SLC35F4: variants seen among roughly 807,000 people sequenced by gnomAD.
SLC35F4 encodes the protein solute carrier family 35 member F4.
SLC35F4 carries 24 observed loss-of-function variants against 44.2 expected under a neutral mutation model. The observed-to-expected ratio is 0.54, with a 90% CI of 0.39 to 0.76. The LOEUF (loss-of-function observed/expected upper bound fraction) is 0.76, where lower values mean the gene tolerates loss of function less well. Ranked by LOEUF, SLC35F4 falls within the 30% of genes least tolerant of loss-of-function variation. The pLI is 0.00. For synonymous variants in SLC35F4, 238 were observed against 223.6 expected (o/e 1.06, Z -0.57); for missense variants, 562 against 586.1 (o/e 0.96, Z 0.42).
At chr14:57,931,606 C>G (rs926050947) in intron 1 of SLC35F4, among the ~76,000 whole-genome samples, 8 of 152,080 alleles carry the variant, frequency 5.3e-5, no homozygotes, top group Non-Finnish European at 1.0e-4. Flanking sequence ...AAAAAACAAC[C>G]CACTGCATCA....
chr14:57,843,998 C>T (rs1042364418), intron 1 of SLC35F4, among the ~76,000 whole-genome samples: 14 of 152,076 alleles, frequency 9.2e-5, no homozygotes, highest in African/African-American at 2.9e-4. Flanking sequence ...ATATCAGCCT[C>T]GTGACCAATC....
At chr14:57,709,895 T>C (rs2075775149) in intron 1 of SLC35F4, among the ~76,000 whole-genome samples, 1 of 152,156 alleles carries the variant, frequency 6.6e-6, no homozygotes, top group Admixed American at 6.5e-5. Flanking sequence ...AAGCAGAACA[T>C]AAATGTTTGG....
At chr14:57,749,315 T>G (rs1452309706) in intron 1 of SLC35F4, among the ~76,000 whole-genome samples, 1 of 152,134 alleles carries the variant, frequency 6.6e-6, no homozygotes, top group African/African-American at 2.4e-5. Flanking sequence ...GACTGCAACT[T>G]AAGTATAAAA....
At chr14:57,801,198 T>C (rs1184972302) in intron 1 of SLC35F4, among the ~76,000 whole-genome samples, 4 of 152,086 alleles carry the variant, frequency 2.6e-5, no homozygotes, top group East Asian at 3.8e-4. Context: ...CCAGAAGAGA[T>C]TGGGGACCAA....
intron 1 of SLC35F4, among the ~76,000 whole-genome samples, chr14:57,805,129 G>C (rs1264050783): frequency 6.6e-6 from 1 of 152,110 alleles, no homozygotes; most frequent in East Asian, 1.9e-4. Context: ...AACAGATGCT[G>C]GTAAGGTTGT....
intron 1 of SLC35F4, among the ~76,000 whole-genome samples, chr14:57,620,344 G>T (rs564923668): frequency 6.6e-6 from 1 of 152,100 alleles, no homozygotes; most frequent in East Asian, 1.9e-4. Flanking sequence ...TGAATCTCTC[G>T]GCAGAAACAC....
intron 1 of SLC35F4, among the ~76,000 whole-genome samples, chr14:57,944,959 T>C (rs1028529167): frequency 3.3e-5 from 5 of 152,202 alleles, no homozygotes; most frequent in Admixed American, 3.3e-4. Flanking sequence ...CTGCCCAGCA[T>C]CTGCCTGCCC....
At chr14:57,910,501 G>T (rs62005023) in intron 1 of SLC35F4, among the ~76,000 whole-genome samples, 189 of 152,112 alleles carry the variant, frequency 1.2e-3, no homozygotes, top group Middle Eastern at 3.4e-3. Flanking sequence ...TGTGTCTGGA[G>T]TCAATTTTTT....
chr14:57,912,381 T>C (rs1889231947), intron 1 of SLC35F4, among the ~76,000 whole-genome samples: 1 of 150,906 alleles, frequency 6.6e-6, no homozygotes, highest in Admixed American at 6.6e-5. Context: ...ATTTTTAATA[T>C]AAGCAACTCA....
intron 1 of SLC35F4, among the ~76,000 whole-genome samples, chr14:57,935,590 G>A (rs543257198): frequency 4.6e-5 from 7 of 152,132 alleles, no homozygotes; most frequent in Admixed American, 4.6e-4. Flanking sequence ...ATTCTTTTTA[G>A]AGTCCAGATA....
At chr14:57,646,540 C>G (rs1453142328) in intron 1 of SLC35F4, among the ~76,000 whole-genome samples, 2 of 152,000 alleles carry the variant, frequency 1.3e-5, no homozygotes, top group African/African-American at 4.8e-5. Context: ...TGCTAGCGGT[C>G]TATCTATTTT....
At chr14:57,725,410 C>A (rs748861807) in intron 1 of SLC35F4, among the ~76,000 whole-genome samples, 6 of 152,196 alleles carry the variant, frequency 3.9e-5, no homozygotes, top group African/African-American at 9.6e-5. Flanking sequence ...TGGACATCTT[C>A]CAACATGGAA....
At chr14:57,582,009 T>TA (rs1489030557) in intron 3 of SLC35F4, among the ~76,000 whole-genome samples, 1 of 152,192 alleles carries the variant, frequency 6.6e-6, no homozygotes, top group East Asian at 1.9e-4. Context: ...TCCCACATGA[T>TA]AAAAACTATA....
intron 1 of SLC35F4, among the ~76,000 whole-genome samples, chr14:57,699,029 A>C (rs1255926197): frequency 6.6e-6 from 1 of 152,170 alleles, no homozygotes; most frequent in Non-Finnish European, 1.5e-5. Flanking sequence ...AAAATCAATG[A>C]ACTGATTAAG....
chr14:57,736,571 C>T lies in SLC35F4; in HGVS notation c.103+129152G>A, dbSNP rs2076469871. Among the ~76,000 whole-genome samples, 3 of 152,076 alleles carry T rather than the reference C, an allele frequency of 2.0e-5. No homozygotes were observed. In the South Asian group the frequency reaches 6.2e-4, roughly 32 times the overall value. On this transcript the variant is annotated intron_variant, in intron 1 of 7. Coordinates refer to ENST00000556826, the MANE Select transcript of SLC35F4 (RefSeq NM_001306087.2). Reference sequence around the variant, plus strand: ...GCTCTCTCCACATATTCAACAGGCCCCGACAAGGCCCAGGAGGCAGCTGAT... The same window carrying T: ...GCTCTCTCCACATATTCAACAGGCCTCGACAAGGCCCAGGAGGCAGCTGAT...
intron 1 of SLC35F4, among the ~76,000 whole-genome samples, chr14:57,789,189 C>CA (rs1257302987): frequency 6.6e-6 from 1 of 151,896 alleles, no homozygotes; most frequent in African/African-American, 2.4e-5. Flanking sequence ...CAAAACCCTT[C>CA]AAAAAATCAA....
chr14:57,835,711 T>C (rs1884849664), intron 1 of SLC35F4, among the ~76,000 whole-genome samples: 1 of 152,350 alleles, frequency 6.6e-6, no homozygotes, highest in Middle Eastern at 3.4e-3. Context: ...AAACTCAACA[T>C]GCCTAAAATT....
At chr14:57,899,951 C>T (rs1363454812) in intron 1 of SLC35F4, among the ~76,000 whole-genome samples, 2 of 152,210 alleles carry the variant, frequency 1.3e-5, no homozygotes, top group East Asian at 3.9e-4. Context: ...AGTGGGTTAC[C>T]ACTGCTGGCT....
intron 1 of SLC35F4, among the ~76,000 whole-genome samples, chr14:57,835,634 C>G (rs1234933897): frequency 6.6e-6 from 1 of 152,194 alleles, no homozygotes; most frequent in Non-Finnish European, 1.5e-5. Flanking sequence ...CAAGAGTTGG[C>G]TGGAGAGGAA....
Sources: gnomAD v4.1 joint callset for allele counts (sites outside exome capture counted in the v4.1 genomes callset) on GRCh38, gnomAD v4.1.1 for gene constraint, MANE v1.5 for transcripts, NCBI Gene and HGNC (gene_info 2026-07-23, HGNC 2026-07-21) for gene names.